TTC39B: variants seen among roughly 807,000 people sequenced by gnomAD.
TTC39B encodes the protein tetratricopeptide repeat domain 39B.
A neutral mutation model predicts 96.6 loss-of-function variants in TTC39B; 92 were observed. The observed-to-expected ratio is 0.95, with a 90% CI of 0.80 to 1.13. TTC39B has a LOEUF of 1.13. TTC39B is among the 50% of genes most tolerant of loss of function. TTC39B has a pLI of 0.00. For synonymous variants in TTC39B, 367 were observed against 299.4 expected, an observed-to-expected ratio of 1.23 and a Z score of -2.33; for missense variants, 955 against 809.3, an observed-to-expected ratio of 1.18 and a Z score of -2.18.
At chr9:15,267,801 T>G in intron 2 of TTC39B, 113 bp downstream of exon 2, 1 of 855,168 alleles carries the variant, frequency 1.2e-6, no homozygotes, top group South Asian at 1.7e-5. Context: ...TTTTTTTTTC[T>G]GAAAATAGCC....
chr9:15,301,410 T>G (rs1306396159), intron 1 of TTC39B, among the ~76,000 whole-genome samples: 1 of 152,164 alleles, frequency 6.6e-6, no homozygotes, highest in African/African-American at 2.4e-5. Context: ...CATCCAGCAT[T>G]TAAAGACTGT....
rs112210071 is a variant in TTC39B at position 15,200,653 on chromosome 9, C to G, written c.760-728G>C. Reference sequence around the variant, plus strand: ...CTCTAATAGATGGTACTAGTGGAGACAGTCCTACGTTTTGCATATCCAGAG... The same window carrying G: ...CTCTAATAGATGGTACTAGTGGAGAGAGTCCTACGTTTTGCATATCCAGAG... On this transcript the variant is annotated intron_variant, in intron 7 of 19. Transcript: ENST00000512701. Among the ~76,000 whole-genome samples, 1,075 of 152,326 alleles carry G rather than the reference C, an allele frequency of 7.1e-3. 23 individuals carry two copies. Among genetic ancestry groups the G allele is most frequent in the African/African-American group, 0.024 (1,004 of 41,570 alleles).
In TTC39B at chr9:15,189,739, G is replaced by A; in HGVS notation, c.1159C>T (p.Gln387Ter). ...ACTGAGCGTACATTTGGAAACTGCT[G>A]GAGGAAGGGTGCCAGGAGACGCTCT... The change falls in exon 12 of 20, where the codon CAG becomes TAG. Residue 387 changes from glutamine to a stop codon, truncating the protein, a stop_gained. Coordinates refer to ENST00000512701, the Ensembl canonical transcript of TTC39B. LOFTEE classifies it high-confidence loss of function. The A allele has an allele frequency of 6.2e-7, 1 of 1,613,872 alleles. No homozygotes were observed. Among genetic ancestry groups the A allele is most frequent in the Non-Finnish European group, 8.5e-7 (1 of 1,179,912 alleles).
intron 1 of TTC39B, among the ~76,000 whole-genome samples, chr9:15,277,151 G>A (rs1282086352): frequency 1.3e-5 from 2 of 152,204 alleles, no homozygotes; most frequent in Non-Finnish European, 2.9e-5. Context: ...TTTATGGGCT[G>A]GGCGCAGTGG....
At chr9:15,170,065 CTA>C (rs1817599793) in exon 20 of TTC39B, 1 of 152,070 alleles carries the variant, frequency 6.6e-6, no homozygotes, top group Non-Finnish European at 1.5e-5. Context: ...TTTTCCAAAG[CTA>C]TACACAAATA....
chr9:15,187,676 T>C (rs759281288), intron 14 of TTC39B, among the ~76,000 whole-genome samples: 11 of 152,246 alleles, frequency 7.2e-5, no homozygotes, highest in African/African-American at 1.2e-4. Context: ...CCCTGGCTAG[T>C]ATCAAACTCC....
At position 15,173,383 on chromosome 9, in the gene TTC39B, C is replaced by T. The variant is rs548082244; in HGVS notation, c.1959-1274G>A. Among the ~76,000 whole-genome samples the T allele has an allele frequency of 6.4e-4, 97 of 152,272 alleles. 1 individual carries two copies. The South Asian group carries it at 0.014, about 22-fold the overall frequency. On this transcript the variant is annotated intron_variant, in intron 19 of 19. Coordinates refer to ENST00000512701, the Ensembl canonical transcript of TTC39B. ...CCCCATTACGATGTTCTATTCACAG[C>T]AAACATCCTAAAAGAGTTGCCTAAA...
chr9:15,240,499 GTT>G (rs139202786), intron 2 of TTC39B, among the ~76,000 whole-genome samples: 1 of 149,320 alleles, frequency 6.7e-6, no homozygotes, highest in African/African-American at 2.5e-5. Context: ...ACTTTTCAAT[GTT>G]TTTTTTTCAA....
intron 2 of TTC39B, among the ~76,000 whole-genome samples, chr9:15,235,978 G>A (rs1034042116): frequency 2.6e-5 from 4 of 152,110 alleles, no homozygotes; most frequent in African/African-American, 9.7e-5. Flanking sequence ...TAACCTAAAT[G>A]TAAATGACCT....
intron 6 of TTC39B, among the ~76,000 whole-genome samples, chr9:15,207,847 G>C (rs1011633301): frequency 6.6e-6 from 1 of 151,128 alleles, no homozygotes. Context: ...AGCCAGGCGT[G>C]GTGGCGGGCA....
intron 2 of TTC39B, among the ~76,000 whole-genome samples, chr9:15,237,694 C>T (rs1821850375): frequency 6.8e-6 from 1 of 147,618 alleles, no homozygotes; most frequent in Non-Finnish European, 1.5e-5. Context: ...GATGCATTCA[C>T]AGCCAAATTT....
At chr9:15,209,977 G>T (rs1390294775) in intron 6 of TTC39B, 111 bp downstream of exon 6, 3 of 779,846 alleles carry the variant, frequency 3.8e-6, no homozygotes, top group Non-Finnish European at 6.4e-6. Flanking sequence ...GTATGATAGG[G>T]AAGAGAAAAA....
intron 2 of TTC39B, chr9:15,250,045 A>G (rs1822463447): frequency 3.1e-6 from 4 of 1,284,880 alleles, no homozygotes; most frequent in Non-Finnish European, 4.0e-6. Context: ...TTTAGAGCCA[A>G]CAAAAATCCT....
intron 6 of TTC39B, among the ~76,000 whole-genome samples, chr9:15,204,676 A>G (rs1413390388): frequency 1.3e-5 from 2 of 152,226 alleles, no homozygotes; most frequent in African/African-American, 2.4e-5. Context: ...GAAAGCAGCA[A>G]TTCTCTAGAG....
intron 1 of TTC39B, among the ~76,000 whole-genome samples, chr9:15,275,104 C>A (rs1475054942): frequency 6.6e-6 from 1 of 151,522 alleles, no homozygotes; most frequent in Admixed American, 6.6e-5. Context: ...TGCAATGGTG[C>A]GATCTTGGCT....
intron 4 of TTC39B, among the ~76,000 whole-genome samples, chr9:15,213,352 T>G (rs1820317304): frequency 1.3e-5 from 2 of 152,214 alleles, no homozygotes; most frequent in South Asian, 4.1e-4. Context: ...ATTTCATCAT[T>G]TGTTCTTAAC....
intron 2 of TTC39B, among the ~76,000 whole-genome samples, chr9:15,251,912 T>C (rs1325225955): frequency 4.6e-5 from 7 of 151,980 alleles, no homozygotes; most frequent in African/African-American, 1.4e-4. Flanking sequence ...TTTGTATCTG[T>C]ATGCCTACTA....
chr9:15,197,527 C>T (rs1397515411), intron 8 of TTC39B, among the ~76,000 whole-genome samples: 1 of 151,724 alleles, frequency 6.6e-6, no homozygotes, highest in African/African-American at 2.4e-5. Context: ...GTAACTATTA[C>T]AAATTGTGGA....
At chr9:15,182,324 G>A in exon 17 of TTC39B, 1 of 1,610,260 alleles carries the variant, frequency 6.2e-7, no homozygotes, top group Non-Finnish European at 8.5e-7. Context: ...TTGTAAAGCT[G>A]CCTCAGCTTT....
Sources: gnomAD v4.1 joint callset for allele counts (sites outside exome capture counted in the v4.1 genomes callset) on GRCh38, gnomAD v4.1.1 for gene constraint, MANE v1.5 for transcripts, NCBI Gene and HGNC (gene_info 2026-07-23, HGNC 2026-07-21) for gene names.